The following SLC9A8 variants were observed in gnomAD, a reference collection of about 807,000 sequenced individuals.
SLC9A8 encodes sodium/hydrogen exchanger 8.
Under a neutral mutation model 66.6 loss-of-function variants are expected in SLC9A8, and 48 were observed. The observed-to-expected ratio is 0.72, with a 90% CI of 0.57 to 0.92. SLC9A8 has a LOEUF of 0.92. Among genes scored for constraint, SLC9A8 ranks in the 40% least tolerant of loss-of-function variants. The probability of loss-of-function intolerance (pLI) is 0.00; values close to 1 mark genes in which losing one functional copy is unlikely to be tolerated. For missense variants in SLC9A8, 599 were observed against 747.3 expected (o/e 0.80, Z 2.31); for synonymous variants, 274 against 282.6 (o/e 0.97, Z 0.31).
chr20:49,863,641 G>A (rs778557612), intron 9 of SLC9A8, among the ~76,000 whole-genome samples: 3 of 152,186 alleles, frequency 2.0e-5, no homozygotes, highest in Non-Finnish European at 4.4e-5. Flanking sequence ...TGCAAAAGGG[G>A]CTTTCAAAGT....
At chr20:49,817,575 T>C (rs916854805) in intron 2 of SLC9A8, among the ~76,000 whole-genome samples, 4 of 151,818 alleles carry the variant, frequency 2.6e-5, no homozygotes, top group African/African-American at 9.7e-5. Context: ...AATAATACAC[T>C]TGAGGCCAGC....
intron 8 of SLC9A8, among the ~76,000 whole-genome samples, chr20:49,858,990 C>T (rs186880328): frequency 2.2e-3 from 327 of 151,932 alleles, no homozygotes; most frequent in South Asian, 3.5e-3. Flanking sequence ...AAACCAAGAT[C>T]GTCTGTGGTA....
At chr20:49,816,733 C>CT (rs1387944306) in intron 2 of SLC9A8, among the ~76,000 whole-genome samples, 40 of 149,064 alleles carry the variant, frequency 2.7e-4, no homozygotes, top group Admixed American at 5.4e-4. Flanking sequence ...AGTTCAAATT[C>CT]TTTTTTTTTT....
At chr20:49,830,008 G>C (rs896816546) in intron 3 of SLC9A8, 1 of 637,004 alleles carries the variant, frequency 1.6e-6, no homozygotes, top group African/African-American at 1.8e-5. Flanking sequence ...TGAAGTGGAT[G>C]ATGGCCGGAC....
At chr20:49,831,355 C>G (rs12624319) in intron 3 of SLC9A8, among the ~76,000 whole-genome samples, 1 of 151,980 alleles carries the variant, frequency 6.6e-6, no homozygotes, top group South Asian at 2.1e-4. Flanking sequence ...TGTGTGTGCA[C>G]GCACACACAC....
At chr20:49,838,747 TTTGTGTCACCTCCTACCCGAGATTGTGA>T (rs2087642789) in intron 3 of SLC9A8, among the ~76,000 whole-genome samples, 1 of 152,176 alleles carries the variant, frequency 6.6e-6, no homozygotes, top group Non-Finnish European at 1.5e-5. Flanking sequence ...GCAGGCTTGC[TTTGTGTCACCTCCTACCCGAGATTGTGA>T]TTGTGTCACC....
intron 4 of SLC9A8, among the ~76,000 whole-genome samples, chr20:49,841,045 C>T (rs895280908): frequency 1.3e-5 from 2 of 152,186 alleles, no homozygotes; most frequent in Admixed American, 6.5e-5. Context: ...TGGCTCATGC[C>T]TGTAATCCCA....
At position 49,862,954 on chromosome 20, in the gene SLC9A8, AAT is replaced by A; in HGVS notation, c.742_743del (p.Met248ValfsTer14). On this transcript the variant is annotated frameshift_variant, in exon 9 of 16. Coordinates refer to ENST00000361573, the MANE Select transcript of SLC9A8 (RefSeq NM_015266.3). LOFTEE classifies it high-confidence loss of function. ...CACAGCTGAAGGTTTAACAAGAAAA[AAT>A]ATGTCAGATGTCAGTGGGTGGCAAA... ...TNTAEGLTRK[N>X]MSDVSGWQTF... 1 of 1,613,190 alleles carries A rather than the reference AAT, an allele frequency of 6.2e-7. No individual in the cohort carries two copies. The highest frequency in any genetic ancestry group is 8.5e-7 in the Non-Finnish European group (1 of 1,179,326).
chr20:49,819,307 GA>G (rs2086656786), intron 2 of SLC9A8, among the ~76,000 whole-genome samples: 1 of 152,222 alleles, frequency 6.6e-6, no homozygotes, highest in Non-Finnish European at 1.5e-5. Flanking sequence ...ATACCACACA[GA>G]AGTGTTTGCC....
At chr20:49,822,039 A>G (rs193240715) in intron 2 of SLC9A8, among the ~76,000 whole-genome samples, 2 of 152,294 alleles carry the variant, frequency 1.3e-5, no homozygotes, top group East Asian at 3.9e-4. Context: ...TCTGATTTGT[A>G]ATCAGAGAAG....
rs1162910587 is a variant in SLC9A8, at chr20:49,834,369, GTATATATATATATAC to G, written c.290-5170_290-5156del. 2.8e-3 allele frequency among the ~76,000 whole-genome samples: 156 copies of G among 55,766 alleles called. 16 individuals are homozygous for G. The East Asian group carries it at 0.049, about 17-fold the overall frequency. The allele number at this position is 55,766 out of a possible 152,430, so 36.6% of individuals were successfully genotyped here. On this transcript the variant is annotated intron_variant, in intron 3 of 15. Transcript: ENST00000361573. ...TATACTGTATATATATATATACTGT[GTATATATATATATAC>G]TGTGTATATATATATACTGTGTATA...
In SLC9A8 at chr20:49,875,249, TC is replaced by T. The variant is rs2089379538; in HGVS notation, c.1075+429del. On this transcript the variant is annotated intron_variant, in intron 11 of 15. Coordinates refer to ENST00000361573, the MANE Select transcript of SLC9A8 (RefSeq NM_015266.3). ...GAGAGGATCACTTGAGCCCAGGAGT[TC>T]AAGGCTGCAGTGGGCTATGATCTTA... 3.4e-5 allele frequency among the ~76,000 whole-genome samples: 5 copies of T among 148,568 alleles called. No homozygotes were observed. In the South Asian group the frequency reaches 1.1e-3, roughly 32 times the overall value.
intron 4 of SLC9A8, among the ~76,000 whole-genome samples, chr20:49,844,807 A>G (rs1182620423): frequency 2.0e-5 from 3 of 150,546 alleles, no homozygotes; most frequent in African/African-American, 7.3e-5. Context: ...CTGTCTCAAA[A>G]TAATAATAAT....
chr20:49,854,395 T>G (rs1220031173), intron 7 of SLC9A8, among the ~76,000 whole-genome samples: 3 of 149,998 alleles, frequency 2.0e-5, no homozygotes, highest in Non-Finnish European at 4.4e-5. Context: ...TGCTGTCACC[T>G]CAGCCTGCAG....
intron 2 of SLC9A8, among the ~76,000 whole-genome samples, chr20:49,817,180 G>T (rs976434114): frequency 6.6e-6 from 1 of 151,784 alleles, no homozygotes; most frequent in Non-Finnish European, 1.5e-5. Flanking sequence ...AGCCAGACGT[G>T]GTGGCGGGCA....
At chr20:49,882,167 T>C (rs601849) in intron 13 of SLC9A8, among the ~76,000 whole-genome samples, 118,570 of 152,150 alleles carry the variant, frequency 0.78, 46,888 homozygotes, top group South Asian at 0.85. Flanking sequence ...TTCCTCCTCA[T>C]GTCCCCCGCA....
In SLC9A8 at chr20:49,864,749, A is replaced by G; in HGVS notation, c.863A>G (p.His288Arg). 6.2e-7 allele frequency: 1 copy of G among 1,613,714 alleles called. No homozygotes were observed. ...TGLISALVLK[H>R]IDLRKTPSLE... ...ACAGTTGTCATTTACGTGCTGAAGC[A>G]TATTGACTTGAGGAAAACGCCTTCC... is the stretch of plus-strand genomic sequence containing the variant. The change falls in exon 10 of 16, where the codon CAT (histidine) becomes CGT (arginine). Residue 288 changes from histidine (H) to arginine (R), a missense_variant. Transcript: ENST00000361573.
intron 8 of SLC9A8, 94 bp downstream of exon 8, chr20:49,855,675 A>C: frequency 8.1e-7 from 1 of 1,227,072 alleles, no homozygotes; most frequent in East Asian, 2.5e-5. Flanking sequence ...GCATGTGTAC[A>C]GTTGCTTGTC....
chr20:49,830,009 A>G (rs2087106045), intron 3 of SLC9A8: 1 of 637,682 alleles, frequency 1.6e-6, no homozygotes, highest in African/African-American at 1.8e-5. Context: ...GAAGTGGATG[A>G]TGGCCGGACC....
Sources: allele counts gnomAD v4.1 joint callset (sites outside exome capture counted in the v4.1 genomes callset), GRCh38; gene constraint gnomAD v4.1.1; transcripts MANE v1.5; gene names NCBI Gene and HGNC (gene_info 2026-07-23, HGNC 2026-07-21).